IL1RAPL1: variants seen among roughly 807,000 people sequenced by gnomAD.
IL1RAPL1 encodes the protein interleukin-1 receptor accessory protein-like 1.
Under a neutral mutation model 48.4 loss-of-function variants are expected in IL1RAPL1, and 3 were observed. The observed-to-expected ratio is 0.06, with a 90% CI of 0.03 to 0.16. The LOEUF is 0.16. Ranked by LOEUF, IL1RAPL1 falls within the 10% of genes least tolerant of loss-of-function variation. IL1RAPL1 has a pLI of 1.00. For synonymous variants in IL1RAPL1, 185 were observed against 187.7 expected (o/e 0.99, Z 0.12); for missense variants, 349 against 530.6 (o/e 0.66, Z 3.36).
chrX:29,822,538 A>AGTAGGAT (rs1930646501), intron 6 of IL1RAPL1, among the ~76,000 whole-genome samples: 1 of 109,524 alleles, frequency 9.1e-6, no homozygotes, highest in African/African-American at 3.3e-5. Context: ...CTTCTGCCTG[A>AGTAGGAT]GTAGGATATT....
intron 2 of IL1RAPL1, among the ~76,000 whole-genome samples, chrX:29,230,841 G>C (rs1275495317): frequency 9.0e-6 from 1 of 111,445 alleles, no homozygotes; most frequent in Non-Finnish European, 1.9e-5. Flanking sequence ...TGAACTTTCT[G>C]TGATGAGGGC....
chrX:28,747,450 G>A (rs991301547), intron 1 of IL1RAPL1, among the ~76,000 whole-genome samples: 3 of 110,683 alleles, frequency 2.7e-5, no homozygotes, highest in Non-Finnish European at 3.8e-5. Flanking sequence ...AGACCATACT[G>A]GCCAACATGG....
chrX:28,985,102 A>G, intron 2 of IL1RAPL1, among the ~76,000 whole-genome samples: 1 of 111,901 alleles, frequency 8.9e-6, no homozygotes, highest in Middle Eastern at 4.6e-3. Context: ...GATGCCCTTC[A>G]TCTTCCCTAG....
chrX:29,389,376 G>A (rs1398568431), intron 3 of IL1RAPL1, among the ~76,000 whole-genome samples: 2 of 97,867 alleles, frequency 2.0e-5, no homozygotes, highest in Non-Finnish European at 4.1e-5. Context: ...AAAAAAAAAG[G>A]TTAAAACGGA....
chrX:28,882,751 A>G (rs1601943544), intron 2 of IL1RAPL1, among the ~76,000 whole-genome samples: 1 of 112,280 alleles, frequency 8.9e-6, no homozygotes, highest in Non-Finnish European at 1.9e-5. Flanking sequence ...GCTAAAGAGT[A>G]TCCTGTAAGT....
chrX:29,874,273 C>T (rs1237013508), intron 6 of IL1RAPL1, among the ~76,000 whole-genome samples: 8 of 111,609 alleles, frequency 7.2e-5, no homozygotes, highest in African/African-American at 2.6e-4. Flanking sequence ...CTAACATTTT[C>T]AACAGGGCAA....
At chrX:29,225,965 A>T (rs1399094676) in intron 2 of IL1RAPL1, among the ~76,000 whole-genome samples, 2 of 111,076 alleles carry the variant, frequency 1.8e-5, no homozygotes, top group Non-Finnish European at 3.8e-5. Context: ...TAAAGTTGGG[A>T]GGGGGGGACC....
intron 2 of IL1RAPL1, among the ~76,000 whole-genome samples, chrX:29,191,997 C>G (rs780256209): frequency 8.9e-6 from 1 of 111,826 alleles, no homozygotes; most frequent in East Asian, 2.8e-4. Context: ...AGAGCAAACT[C>G]TCCTTTGCTA....
At chrX:29,478,720 G>A (rs1935004527) in intron 5 of IL1RAPL1, among the ~76,000 whole-genome samples, 1 of 110,672 alleles carries the variant, frequency 9.0e-6, no homozygotes, top group Non-Finnish European at 1.9e-5. Flanking sequence ...TCTCCACTGC[G>A]ATGACTGCCT....
chrX:28,907,365 G>C (rs996606996), intron 2 of IL1RAPL1, among the ~76,000 whole-genome samples: 1 of 111,510 alleles, frequency 9.0e-6, no homozygotes. Context: ...AGCGATTCTT[G>C]TGCTTCAGCC....
intron 6 of IL1RAPL1, among the ~76,000 whole-genome samples, chrX:29,886,562 T>C (rs780575406): frequency 8.9e-6 from 1 of 112,442 alleles, no homozygotes; most frequent in Middle Eastern, 4.6e-3. Context: ...TATTAGATCA[T>C]TGAAAATCTT....
At chrX:29,937,004 G>A (rs1433456447) in intron 8 of IL1RAPL1, among the ~76,000 whole-genome samples, 3 of 111,605 alleles carry the variant, frequency 2.7e-5, no homozygotes, top group Admixed American at 9.5e-5. Flanking sequence ...AGCTTTCCTA[G>A]GACTATTGTT....
chrX:28,629,442 T>C (rs1041756131), intron 1 of IL1RAPL1, among the ~76,000 whole-genome samples: 3 of 112,103 alleles, frequency 2.7e-5, no homozygotes, highest in East Asian at 5.6e-4. Context: ...GTCATTGTTT[T>C]TATCTTCATG....
chrX:28,955,329 C>G (rs1284504066), intron 2 of IL1RAPL1, among the ~76,000 whole-genome samples: 1 of 110,863 alleles, frequency 9.0e-6, no homozygotes, highest in Non-Finnish European at 1.9e-5. Context: ...TTTCTTCCTT[C>G]TTTTGTGATA....
At chrX:29,493,094 CTA>C (rs1299810258) in intron 5 of IL1RAPL1, among the ~76,000 whole-genome samples, 1 of 112,035 alleles carries the variant, frequency 8.9e-6, no homozygotes, top group South Asian at 3.7e-4. Flanking sequence ...GAAGAAATCA[CTA>C]AATCTGTTTA....
intron 3 of IL1RAPL1, among the ~76,000 whole-genome samples, chrX:29,374,286 CTTTTTTTTTTT>C (rs747182215): frequency 8.4e-4 from 4 of 4,755 alleles, no homozygotes; most frequent in African/African-American, 2.1e-3. Context: ...TGGTTGGTTG[CTTTTTTTTTTT>C]TTTTTTTTTT....
At chrX:29,920,187 T>C in intron 8 of IL1RAPL1, 93 bp downstream of exon 8, 1 of 1,075,019 alleles carries the variant, frequency 9.3e-7, no homozygotes, top group Non-Finnish European at 1.3e-6. Context: ...GTTTTGTTTT[T>C]CTCCACAAAG....
At chrX:29,918,691 T>C (rs1319409345) in intron 7 of IL1RAPL1, among the ~76,000 whole-genome samples, 2 of 110,957 alleles carry the variant, frequency 1.8e-5, no homozygotes, top group Non-Finnish European at 3.8e-5. Flanking sequence ...TAGTCTGACT[T>C]TAAGGTCGAA....
chrX:29,709,173 C>T (rs778205555), intron 6 of IL1RAPL1, among the ~76,000 whole-genome samples: 7 of 111,489 alleles, frequency 6.3e-5, no homozygotes, highest in Non-Finnish European at 1.3e-4. Context: ...TTTTTGCTTT[C>T]GTTACCTGTG....
Sources: allele counts gnomAD v4.1 joint callset (sites outside exome capture counted in the v4.1 genomes callset), GRCh38; gene constraint gnomAD v4.1.1; transcripts MANE v1.5; gene names NCBI Gene and HGNC (gene_info 2026-07-23, HGNC 2026-07-21).